THNSL1: variants seen among roughly 807,000 people sequenced by gnomAD.
THNSL1 encodes threonine synthase like 1, also known as threonine synthase-like 1.
In THNSL1, 48 loss-of-function variants were observed where a neutral mutation model predicts 50.4. The observed-to-expected ratio is 0.95, with a 90% confidence interval of 0.76 to 1.21. THNSL1 has a LOEUF of 1.21. Among genes scored for constraint, THNSL1 ranks in the 50% most tolerant of loss-of-function variants. THNSL1 has a pLI of 0.00. For missense variants in THNSL1, 896 were observed against 871.7 expected, an observed-to-expected ratio of 1.03 and a Z score of -0.35; for synonymous variants, 309 against 306.1, an observed-to-expected ratio of 1.01 and a Z score of -0.10.
the THNSL1 span, among the ~76,000 whole-genome samples, chr10:24,964,487 C>T: frequency 6.6e-6 from 1 of 152,170 alleles, no homozygotes; most frequent in Non-Finnish European, 1.5e-5. Context: ...AAATGAAGCT[C>T]AGGTCAAAAT....
At chr10:24,980,852 G>C in the THNSL1 span, among the ~76,000 whole-genome samples, 2 of 151,832 alleles carry the variant, frequency 1.3e-5, no homozygotes, top group Non-Finnish European at 2.9e-5. Context: ...GAGTAGCTGG[G>C]ACTATAGATG....
chr10:25,000,391 T>C, the THNSL1 span, among the ~76,000 whole-genome samples: 3 of 152,288 alleles, frequency 2.0e-5, no homozygotes, highest in East Asian at 1.9e-4. Context: ...TCTATTCTAC[T>C]AATTATTGAA....
At chr10:24,964,661 G>A in the THNSL1 span, among the ~76,000 whole-genome samples, 1 of 152,260 alleles carries the variant, frequency 6.6e-6, no homozygotes, top group East Asian at 1.9e-4. Flanking sequence ...TGACTCTTGG[G>A]AGACTAAGCA....
chr10:24,977,636 AT>A, the THNSL1 span, among the ~76,000 whole-genome samples: 1 of 152,236 alleles, frequency 6.6e-6, no homozygotes, highest in Non-Finnish European at 1.5e-5. Flanking sequence ...TAATAAAAAA[AT>A]GAGCTTTACA....
the THNSL1 span, among the ~76,000 whole-genome samples, chr10:24,976,194 A>G: frequency 6.6e-6 from 1 of 152,228 alleles, no homozygotes; most frequent in Non-Finnish European, 1.5e-5. Flanking sequence ...CGAGAAGTGT[A>G]CAGTTTGCAT....
intron 1 of THNSL1, among the ~76,000 whole-genome samples, chr10:25,018,102 C>T (rs970514851): frequency 6.6e-6 from 1 of 152,164 alleles, no homozygotes; most frequent in African/African-American, 2.4e-5. Flanking sequence ...TCACTGATGT[C>T]TGTATATTTA....
At chr10:24,983,761 A>C in the THNSL1 span, 1 of 152,236 alleles carries the variant, frequency 6.6e-6, no homozygotes, top group African/African-American at 2.4e-5. Context: ...CAGTGTAAGC[A>C]GTAGAAATTG....
At chr10:24,968,588 A>G in the THNSL1 span, among the ~76,000 whole-genome samples, 2 of 151,942 alleles carry the variant, frequency 1.3e-5, no homozygotes, top group African/African-American at 4.8e-5. Context: ...CAGCCCCTAC[A>G]CTGCCTCTTC....
chr10:25,016,068 C>T, upstream of THNSL1: 1 of 1,410,970 alleles, frequency 7.1e-7, no homozygotes, highest in Non-Finnish European at 9.3e-7. Flanking sequence ...TTCTCTCCTT[C>T]ACATCGTCCC....
At chr10:24,986,024 C>T in the THNSL1 span, among the ~76,000 whole-genome samples, 2 of 152,078 alleles carry the variant, frequency 1.3e-5, no homozygotes, top group East Asian at 1.9e-4. Flanking sequence ...GCGATGATTG[C>T]GCCACTGCAC....
At chr10:25,018,907 A>T (rs1447921274) in intron 1 of THNSL1, among the ~76,000 whole-genome samples, 1 of 152,184 alleles carries the variant, frequency 6.6e-6, no homozygotes, top group African/African-American at 2.4e-5. Context: ...ATAGTAATAT[A>T]AAGACTAAGT....
At chr10:25,003,489 G>C in the THNSL1 span, among the ~76,000 whole-genome samples, 1 of 152,160 alleles carries the variant, frequency 6.6e-6, no homozygotes, top group South Asian at 2.1e-4. Flanking sequence ...TAACAGATGT[G>C]AGCCACTGCG....
chr10:25,017,669 C>T (rs1850634832), intron 1 of THNSL1, among the ~76,000 whole-genome samples: 1 of 149,896 alleles, frequency 6.7e-6, no homozygotes, highest in Non-Finnish European at 1.5e-5. Flanking sequence ...GTCCCAGACG[C>T]TTAGGGAAAA....
chr10:24,987,162 T>G, the THNSL1 span, among the ~76,000 whole-genome samples: 1 of 152,114 alleles, frequency 6.6e-6, no homozygotes, highest in African/African-American at 2.4e-5. Context: ...CTAGCTGCAT[T>G]CATCTGTGAC....
chr10:24,973,372 G>T, the THNSL1 span, among the ~76,000 whole-genome samples: 1 of 150,844 alleles, frequency 6.6e-6, no homozygotes, highest in Non-Finnish European at 1.5e-5. Flanking sequence ...TGGATCTGCT[G>T]AACAAAGGGA....
chr10:25,019,710 T>A (rs557139142), intron 1 of THNSL1, among the ~76,000 whole-genome samples: 1 of 152,354 alleles, frequency 6.6e-6, no homozygotes, highest in South Asian at 2.1e-4. Context: ...TATTAACTGC[T>A]AATTATCCAA....
chr10:24,992,958 A>G, the THNSL1 span, among the ~76,000 whole-genome samples: 16 of 152,314 alleles, frequency 1.1e-4, no homozygotes, highest in South Asian at 3.3e-3. Flanking sequence ...ATGATTCTGC[A>G]GGATCACAGA....
chr10:25,012,297 C>A (rs985898058), upstream of THNSL1, among the ~76,000 whole-genome samples: 1 of 152,252 alleles, frequency 6.6e-6, no homozygotes, highest in Non-Finnish European at 1.5e-5. Flanking sequence ...GGGAGCCCCC[C>A]ACACAGAATT....
chr10:25,010,084 A>T, the THNSL1 span, among the ~76,000 whole-genome samples: 9 of 152,190 alleles, frequency 5.9e-5, no homozygotes, highest in Non-Finnish European at 1.2e-4. Context: ...AGGGCTCAGA[A>T]GGGGACAGAA....
Sources: allele counts gnomAD v4.1 joint callset (sites outside exome capture counted in the v4.1 genomes callset), GRCh38; gene constraint gnomAD v4.1.1; transcripts MANE v1.5; gene names NCBI Gene and HGNC (gene_info 2026-07-23, HGNC 2026-07-21).